Variants in OPCML observed in about 807,000 individuals in gnomAD.
OPCML encodes opioid binding protein/cell adhesion molecule like.
In OPCML, 13 loss-of-function variants were observed where a neutral mutation model predicts 37.8. The ratio of observed to expected loss-of-function variants is 0.34; its 90% CI spans 0.22 to 0.55. The LOEUF (loss-of-function observed/expected upper bound fraction) is 0.55, where lower values mean the gene tolerates loss of function less well. Ranked by LOEUF, OPCML falls within the 20% of genes least tolerant of loss-of-function variation. The pLI, the probability that OPCML is intolerant of heterozygous loss-of-function variation, is 0.91. For missense variants in OPCML, 341 were observed against 435.6 expected (o/e 0.78, Z 1.93); for synonymous variants, 176 against 168.8 (o/e 1.04, Z -0.33).
chr11:132,664,088 T>C (rs747992521), intron 2 of OPCML, among the ~76,000 whole-genome samples: 6 of 152,182 alleles, frequency 3.9e-5, no homozygotes, highest in Non-Finnish European at 8.8e-5. Context: ...CGCCTCGGCC[T>C]CCCAAAGTGG....
chr11:132,830,281 C>T (rs967301836), intron 2 of OPCML, among the ~76,000 whole-genome samples: 14 of 152,174 alleles, frequency 9.2e-5, no homozygotes, highest in South Asian at 6.2e-4. Context: ...CTTCTCTGAG[C>T]TTTTTGATTT....
intron 2 of OPCML, among the ~76,000 whole-genome samples, chr11:132,822,275 C>T (rs948864530): frequency 6.6e-6 from 1 of 152,076 alleles, no homozygotes; most frequent in African/African-American, 2.4e-5. Flanking sequence ...CACCTCCCCC[C>T]ACCGCTTGCC....
At chr11:132,580,021 C>T (rs558135211) in intron 3 of OPCML, among the ~76,000 whole-genome samples, 5 of 152,298 alleles carry the variant, frequency 3.3e-5, no homozygotes, top group Admixed American at 2.6e-4. Context: ...CCACACACCC[C>T]ATAACATCCA....
At chr11:132,674,667 CATA>C (rs1489377383) in intron 2 of OPCML, among the ~76,000 whole-genome samples, 4 of 152,124 alleles carry the variant, frequency 2.6e-5, no homozygotes, top group African/African-American at 9.7e-5. Flanking sequence ...TTCTTAAGAT[CATA>C]ATACTTCTGA....
intron 3 of OPCML, among the ~76,000 whole-genome samples, chr11:132,626,616 G>A (rs1447041990): frequency 4.0e-5 from 6 of 151,846 alleles, no homozygotes; most frequent in South Asian, 4.1e-4. Context: ...AGGGCCTCGT[G>A]ACATGGCTCA....
chr11:132,584,909 T>C (rs2096469308), intron 3 of OPCML, among the ~76,000 whole-genome samples: 1 of 152,156 alleles, frequency 6.6e-6, no homozygotes, highest in African/African-American at 2.4e-5. Context: ...AAGTAAGGTA[T>C]GGAAGCAGCT....
intron 1 of OPCML, among the ~76,000 whole-genome samples, chr11:133,348,366 G>T (rs1383664451): frequency 1.3e-5 from 2 of 152,188 alleles, no homozygotes; most frequent in African/African-American, 4.8e-5. Context: ...GCAATGTCGT[G>T]CATCGAGCAG....
At chr11:133,072,046 G>A (rs1450521409) in intron 1 of OPCML, among the ~76,000 whole-genome samples, 1 of 152,140 alleles carries the variant, frequency 6.6e-6, no homozygotes, top group Non-Finnish European at 1.5e-5. Context: ...GGATCATCGT[G>A]CACTTGTTTA....
chr11:132,604,281 T>TAA lies in OPCML; in HGVS notation c.379+52804_379+52805dup, dbSNP rs111516512. Among the ~76,000 whole-genome samples the TAA allele has an allele frequency of 1.1e-3, 170 of 148,370 alleles. 1 individual carries two copies. The East Asian group carries it at 0.013, about 11-fold the overall frequency. On this transcript the variant is annotated intron_variant, in intron 3 of 7. Transcript: ENST00000524381. ...CCTTGCTTCTTTGTGTTTATTTTCG[T>TAA]AAAAAAAAAAATACAGGGAGGAGTC...
Position 133,024,990 on chromosome 11 carries a change from T to A in OPCML, c.62-81980A>T, listed in dbSNP as rs115694645. 1.6e-4 allele frequency: 159 copies of A among 985,420 alleles called. 2 individuals are homozygous for A. In the African/African-American group the frequency reaches 2.6e-3, roughly 16 times the overall value. 61.0% of individuals were successfully genotyped at this position (985,420 alleles called of 1,614,324 possible). ...GAATCTGCATTTTAACACACTGCCC[T>A]GATAATTCTGACACAGGAAGTCCTC... is the stretch of plus-strand genomic sequence containing the variant. On this transcript the variant is annotated intron_variant, in intron 1 of 7. Transcript: ENST00000524381.
chr11:133,304,690 C>A (rs1292791274), intron 1 of OPCML, among the ~76,000 whole-genome samples: 3 of 152,046 alleles, frequency 2.0e-5, no homozygotes, highest in Non-Finnish European at 4.4e-5. Flanking sequence ...AGGAAGGTAC[C>A]CTAAAAATCC....
intron 2 of OPCML, among the ~76,000 whole-genome samples, chr11:132,794,368 C>T (rs1395562481): frequency 2.0e-5 from 3 of 152,132 alleles, no homozygotes; most frequent in Non-Finnish European, 4.4e-5. Flanking sequence ...TTCCAGCTGC[C>T]GGGCCTAAAG....
chr11:133,191,933 T>C (rs1279691756), intron 1 of OPCML, among the ~76,000 whole-genome samples: 1 of 152,234 alleles, frequency 6.6e-6, no homozygotes, highest in African/African-American at 2.4e-5. Context: ...TGCTTGTCTC[T>C]AACCCAAAAT....
intron 1 of OPCML, among the ~76,000 whole-genome samples, chr11:133,078,838 G>A (rs1201680173): frequency 6.6e-6 from 1 of 152,048 alleles, no homozygotes; most frequent in African/African-American, 2.4e-5. Context: ...TCTCTCCACC[G>A]CCCCCAACTA....
chr11:133,040,858 A>T (rs569493327), intron 1 of OPCML, among the ~76,000 whole-genome samples: 1 of 152,306 alleles, frequency 6.6e-6, no homozygotes, highest in South Asian at 2.1e-4. Context: ...AAACACTCGG[A>T]GAAGTGGTTT....
At chr11:133,279,478 C>T (rs543607080) in intron 1 of OPCML, among the ~76,000 whole-genome samples, 26 of 152,308 alleles carry the variant, frequency 1.7e-4, no homozygotes, top group African/African-American at 5.5e-4. Context: ...GATAAGCAGC[C>T]GTCTGGCTAA....
chr11:132,685,860 G>A (rs940390209), intron 2 of OPCML, among the ~76,000 whole-genome samples: 8 of 152,160 alleles, frequency 5.3e-5, no homozygotes, highest in African/African-American at 1.9e-4. Context: ...TCTCAACAAT[G>A]TAAATCACTA....
At chr11:132,792,559 T>C (rs1440938296) in intron 2 of OPCML, among the ~76,000 whole-genome samples, 1 of 152,166 alleles carries the variant, frequency 6.6e-6, no homozygotes. Context: ...CTTTCCAGTC[T>C]CGTCTTTTTG....
chr11:132,851,847 C>A (rs1206429984), intron 2 of OPCML, among the ~76,000 whole-genome samples: 1 of 152,076 alleles, frequency 6.6e-6, no homozygotes, highest in Admixed American at 6.6e-5. Context: ...TTATGTAACG[C>A]CTGTTCACAT....
Sources: allele counts gnomAD v4.1 joint callset (sites outside exome capture counted in the v4.1 genomes callset), GRCh38; gene constraint gnomAD v4.1.1; transcripts MANE v1.5; gene names NCBI Gene and HGNC (gene_info 2026-07-23, HGNC 2026-07-21).